RASGRF2: variants seen among roughly 807,000 people sequenced by gnomAD.
The protein encoded by RASGRF2 is Ras protein specific guanine nucleotide releasing factor 2.
RASGRF2 carries 76 observed loss-of-function variants against 151.0 expected under a neutral mutation model. The ratio of observed to expected loss-of-function variants is 0.50; its 90% CI spans 0.42 to 0.61. The LOEUF is 0.61. RASGRF2 is among the 20% of genes least tolerant of loss of function. RASGRF2 has a pLI of 0.00. For missense variants in RASGRF2, 1,148 were observed against 1,564.6 expected, an observed-to-expected ratio of 0.73 and a Z score of 4.49; for synonymous variants, 504 against 566.5, an observed-to-expected ratio of 0.89 and a Z score of 1.57.
chr5:81,027,022 C>T (rs1750059884), intron 1 of RASGRF2, among the ~76,000 whole-genome samples: 1 of 152,062 alleles, frequency 6.6e-6, no homozygotes, highest in Non-Finnish European at 1.5e-5. Context: ...ATTTTTTCCC[C>T]ATTTTTAAAA....
chr5:81,020,110 G>A (rs9293829), intron 1 of RASGRF2, among the ~76,000 whole-genome samples: 76,358 of 152,006 alleles, frequency 0.5, 19,454 homozygotes, highest in Middle Eastern at 0.62. Context: ...TACAATTGAT[G>A]CCAATAAGAC....
intron 1 of RASGRF2, 132 bp downstream of exon 1, chr5:80,961,158 C>T (rs1747540676): frequency 3.8e-6 from 4 of 1,049,944 alleles, no homozygotes; most frequent in South Asian, 2.2e-5. Flanking sequence ...CCCGCGTCAC[C>T]AGTGGCGGGA....
At position 81,158,920 on chromosome 5, in the gene RASGRF2, A is replaced by G. The variant is rs562940526; in HGVS notation, c.2687-21255A>G. Among the ~76,000 whole-genome samples the G allele has an allele frequency of 2.6e-5, 4 of 152,248 alleles. No individual in the cohort carries two copies. In the South Asian group the frequency reaches 8.3e-4, roughly 32 times the overall value. On this transcript the variant is annotated intron_variant, in intron 17 of 26. Coordinates refer to ENST00000265080, the MANE Select transcript of RASGRF2 (RefSeq NM_006909.3). The stretch of plus-strand genomic sequence containing the variant: ...CATAAGCTTACCGTAGAATCTAGCA[A>G]TTTCATTCCTGGGTACTAGGTGTCT...
chr5:81,184,164 A>G (rs1754975620), intron 18 of RASGRF2, among the ~76,000 whole-genome samples: 1 of 152,216 alleles, frequency 6.6e-6, no homozygotes, highest in South Asian at 2.1e-4. Context: ...GACTATGATC[A>G]CTAATGGATC....
At chr5:81,094,715 T>C in intron 11 of RASGRF2, 141 bp from the exon 12 acceptor site, 2 of 898,492 alleles carry the variant, frequency 2.2e-6, no homozygotes, top group African/African-American at 3.4e-5. Context: ...GCCCTCTTCA[T>C]GCCTGAGAAG....
intron 4 of RASGRF2, among the ~76,000 whole-genome samples, chr5:81,072,632 A>C (rs1751811541): frequency 6.6e-6 from 1 of 152,208 alleles, no homozygotes. Flanking sequence ...TTTTTTGTTA[A>C]TCATTTTATT....
intron 1 of RASGRF2, among the ~76,000 whole-genome samples, chr5:80,972,776 G>T (rs762378846): frequency 6.6e-6 from 1 of 152,204 alleles, no homozygotes; most frequent in Non-Finnish European, 1.5e-5. Flanking sequence ...CACCGCACCA[G>T]CCTGTTCTCT....
At chr5:81,144,365 T>C (rs1470283847) in intron 17 of RASGRF2, among the ~76,000 whole-genome samples, 1 of 152,206 alleles carries the variant, frequency 6.6e-6, no homozygotes, top group Non-Finnish European at 1.5e-5. Context: ...CCTTAGACTG[T>C]AGGTCCTGTG....
chr5:80,998,265 T>C lies in RASGRF2; in HGVS notation c.288+37239T>C, dbSNP rs1041579758. 2.6e-5 allele frequency among the ~76,000 whole-genome samples: 4 copies of C among 152,210 alleles called. No individual in the cohort carries two copies. In the South Asian group the frequency reaches 8.3e-4, roughly 32 times the overall value. On this transcript the variant is annotated intron_variant, in intron 1 of 26. Transcript: ENST00000265080. Reference sequence around the variant, plus strand: ...TTTTAATAATACTGGTAAATTTCTATTTCCTGTTTCATCTACTTTCAACAG... The same window carrying C: ...TTTTAATAATACTGGTAAATTTCTACTTCCTGTTTCATCTACTTTCAACAG...
At chr5:81,101,745 T>A (rs888062552) in intron 12 of RASGRF2, among the ~76,000 whole-genome samples, 6 of 152,194 alleles carry the variant, frequency 3.9e-5, no homozygotes, top group Non-Finnish European at 8.8e-5. Context: ...AAATATGACT[T>A]CATTATATGG....
In RASGRF2 at chr5:81,112,618, C is replaced by T. The variant is rs778420090; in HGVS notation, c.1847C>T (p.Ala616Val). The part of the protein sequence containing the change: ...VTVPHMIKSD[A>V]RLHKDDTDIC... ...CCTGCCTTTGCACGTAGGTCTGATG[C>T]CCGTCTTCATAAAGACGACACTGAC... The change falls in exon 14 of 27, where the codon GCC becomes GTC. Residue 616 changes from alanine (A) to valine (V), a missense_variant. Coordinates refer to ENST00000265080, the MANE Select transcript of RASGRF2 (RefSeq NM_006909.3). 6.2e-7 allele frequency: 1 copy of T among 1,614,186 alleles called. No individual in the cohort carries two copies. The highest frequency in any genetic ancestry group is 1.1e-5 in the South Asian group (1 of 91,076).
chr5:81,070,411 C>G (rs1325132048), intron 3 of RASGRF2, 81 bp from the exon 4 acceptor site: 3 of 1,204,440 alleles, frequency 2.5e-6, no homozygotes, highest in South Asian at 2.5e-5. Flanking sequence ...ATTGGACCAC[C>G]TTTGTAGGCA....
intron 17 of RASGRF2, among the ~76,000 whole-genome samples, chr5:81,155,799 GC>G (rs1754247664): frequency 6.6e-6 from 1 of 152,198 alleles, no homozygotes; most frequent in African/African-American, 2.4e-5. Flanking sequence ...AGATGTTCTG[GC>G]CAGGTATGTC....
intron 7 of RASGRF2, among the ~76,000 whole-genome samples, chr5:81,081,270 T>C (rs1752077841): frequency 6.6e-6 from 1 of 152,158 alleles, no homozygotes; most frequent in Non-Finnish European, 1.5e-5. Context: ...TCCCCTCGGC[T>C]GGAGCCCTGG....
intron 17 of RASGRF2, among the ~76,000 whole-genome samples, chr5:81,145,954 C>T (rs1033246161): frequency 1.3e-5 from 2 of 152,184 alleles, no homozygotes; most frequent in African/African-American, 4.8e-5. Flanking sequence ...TTCATAATCA[C>T]GTTAAACGTA....
intron 18 of RASGRF2, among the ~76,000 whole-genome samples, chr5:81,182,158 C>G (rs1754930042): frequency 6.6e-6 from 1 of 152,144 alleles, no homozygotes; most frequent in African/African-American, 2.4e-5. Flanking sequence ...TTAGAGGGAT[C>G]CCAGCTCCTC....
At position 81,162,438 on chromosome 5, in the gene RASGRF2, C is replaced by G. The variant is rs189960473; in HGVS notation, c.2687-17737C>G. Among the ~76,000 whole-genome samples the G allele has an allele frequency of 2.4e-3, 363 of 152,258 alleles. 1 individual carries two copies. Among genetic ancestry groups the G allele is most frequent in the African/African-American group, 8.5e-3 (354 of 41,550 alleles). ...TCTTGGCTCATTGCAACCTCCGCCTCCCAGGTTCAAATGATTCTCCTGCCT... is the reference window on the plus strand; with the variant it reads ...TCTTGGCTCATTGCAACCTCCGCCTGCCAGGTTCAAATGATTCTCCTGCCT... On this transcript the variant is annotated intron_variant, in intron 17 of 26. Coordinates refer to ENST00000265080, the MANE Select transcript of RASGRF2 (RefSeq NM_006909.3).
At chr5:81,156,321 A>C (rs889082508) in intron 17 of RASGRF2, among the ~76,000 whole-genome samples, 4 of 152,232 alleles carry the variant, frequency 2.6e-5, no homozygotes, top group Non-Finnish European at 5.9e-5. Context: ...AATCTTCCAG[A>C]AAATGGAGGA....
intron 18 of RASGRF2, among the ~76,000 whole-genome samples, chr5:81,195,689 C>T (rs973986610): frequency 6.6e-6 from 1 of 152,004 alleles, no homozygotes; most frequent in African/African-American, 2.4e-5. Flanking sequence ...ATGCAGAATC[C>T]TTATCTCTGT....
Sources: allele counts gnomAD v4.1 joint callset (sites outside exome capture counted in the v4.1 genomes callset), GRCh38; gene constraint gnomAD v4.1.1; transcripts MANE v1.5; gene names NCBI Gene and HGNC (gene_info 2026-07-23, HGNC 2026-07-21).